The following DUSP8 variants were observed in gnomAD, a reference collection of about 807,000 sequenced individuals.
The protein encoded by DUSP8 is dual specificity protein phosphatase 8.
DUSP8 carries 15 observed loss-of-function variants against 38.7 expected under a neutral mutation model. That is an observed-to-expected ratio of 0.39 (90% CI 0.26 to 0.60). DUSP8 has a LOEUF of 0.60. Ranked by LOEUF, DUSP8 falls within the 20% of genes least tolerant of loss-of-function variation. DUSP8 has a pLI of 0.56. For missense variants in DUSP8, 768 were observed against 915.0 expected (o/e 0.84, Z 2.07); for synonymous variants, 458 against 433.9 (o/e 1.06, Z -0.69).
chr11:1,572,697 C>T (rs1221831649), upstream of DUSP8: 1 of 151,986 alleles, frequency 6.6e-6, no homozygotes, highest in Non-Finnish European at 1.5e-5. This position sits in a 1 kb window ranked among gnomAD's most constrained non-coding sequence, Gnocchi z 4.7. Flanking sequence ...CCCCCCTTCT[C>T]CTGGCCTTTG....
chr11:1,556,880 C>G lies in DUSP8; in HGVS notation c.1516G>C (p.Gly506Arg). ...GAGTCGAGCGGCGGTGCCCAGGCCC[C>G]GGGGCCGGCCGGCTGGCCAGGGCCG... ...LPGPGQPAGPGAWAPPLDSPG... is the reference protein window; with the variant it reads ...LPGPGQPAGPRAWAPPLDSPG... The change falls in exon 7 of 7, where the codon GGG (glycine) becomes CGG (arginine). Residue 506 changes from glycine to arginine, a missense_variant. Physicochemically the swap from Gly to Arg is moderately radical, Grantham distance 125. This residue lies in a region of DUSP8 where 474 missense variants were observed against 430.8 expected (regional missense o/e 1.10). Coordinates refer to ENST00000397374, the MANE Select transcript of DUSP8 (RefSeq NM_004420.3). The surrounding 1 kb of genome is among the most constrained non-coding windows in gnomAD (Gnocchi z 5.2). 9.1e-7 allele frequency: 1 copy of G among 1,103,552 alleles called. No homozygotes were observed. Among genetic ancestry groups the G allele is most frequent in the Non-Finnish European group, 1.1e-6 (1 of 906,564 alleles). 68.4% of individuals were successfully genotyped at this position (1,103,552 alleles called of 1,614,324 possible). A position where few individuals can be genotyped will look rare whatever the true frequency, so the allele number is the denominator to read the frequency against.
intron 2 of DUSP8, among the ~76,000 whole-genome samples, chr11:1,564,581 G>A (rs1159365127): frequency 1.3e-5 from 2 of 152,140 alleles, no homozygotes; most frequent in Non-Finnish European, 2.9e-5. Flanking sequence ...CCCACCCCAA[G>A]GGCCAGCCCA....
intron 1 of DUSP8, among the ~76,000 whole-genome samples, chr11:1,567,894 C>T (rs930620865): frequency 6.6e-6 from 1 of 152,086 alleles, no homozygotes; most frequent in Non-Finnish European, 1.5e-5. Flanking sequence ...CCAAGGGGGT[C>T]CCTGACTACC....
chr11:1,563,790 C>T lies in DUSP8; in HGVS notation c.370+61G>A, dbSNP rs1848757834. The T allele has an allele frequency of 3.5e-6, 5 of 1,424,696 alleles. No individual in the cohort carries two copies. In the South Asian group the frequency reaches 6.1e-5, roughly 17 times the overall value. The allele number at this position is 1,424,696 out of a possible 1,614,324, so 88.3% of individuals were successfully genotyped here. ...GGACACCTCCCTGATGCCCCAGCCC[C>T]AGCCCCAGCCCCACTGCTGGCGGAG... On this transcript the variant is annotated intron_variant, in intron 3 of 6. Transcript: ENST00000397374.
intron 3 of DUSP8, among the ~76,000 whole-genome samples, chr11:1,562,660 TGTACATGCACACAC>T (rs1848738680): frequency 6.6e-6 from 1 of 151,842 alleles, no homozygotes; most frequent in Non-Finnish European, 1.5e-5. Flanking sequence ...CATGCACACA[TGTACATGCACACAC>T]ATACATGCAT....
At chr11:1,563,699 C>T (rs1000568116) in intron 3 of DUSP8, 152 bp downstream of exon 3, 14 of 734,350 alleles carry the variant, frequency 1.9e-5, no homozygotes, top group Admixed American at 1.4e-4. Flanking sequence ...GAAGTGTGGG[C>T]GTCCTGGGGA....
Position 1,558,827 on chromosome 11 carries a change from C to A in DUSP8, c.537+62G>T. The A allele has an allele frequency of 1.3e-6, 2 of 1,535,468 alleles. No individual in the cohort carries two copies. Among genetic ancestry groups the A allele is most frequent in the Non-Finnish European group, 1.8e-6 (2 of 1,136,608 alleles). Reference sequence around the variant, plus strand: ...CCTCATCCCCCGCTCCGCTGCCAAGCTGCTTCTGGAGCTCCTGCCCCTTTC... The same window carrying A: ...CCTCATCCCCCGCTCCGCTGCCAAGATGCTTCTGGAGCTCCTGCCCCTTTC... On this transcript the variant is annotated intron_variant, in intron 4 of 6. Coordinates refer to ENST00000397374, the MANE Select transcript of DUSP8 (RefSeq NM_004420.3). The surrounding 1 kb of genome is among the most constrained non-coding windows in gnomAD (Gnocchi z 6.3).
At chr11:1,564,814 TG>T (rs1178631042) in intron 2 of DUSP8, among the ~76,000 whole-genome samples, 1 of 152,194 alleles carries the variant, frequency 6.6e-6, no homozygotes, top group Admixed American at 6.5e-5. Context: ...GGCGGACTCC[TG>T]GCCAGTGGCC....
At position 1,556,776 on chromosome 11, in the gene DUSP8, C is replaced by G. The variant is rs1452124449; in HGVS notation, c.1620G>C (p.Ala540=). ...GAQGAGGVLF[A]PFGRAGAPGP... ...CCGGGGCGCCCGCCCGGCCGAAGGG[C>G]GCAAACAGCACCCCGCCCGCCCCCT... Residue 540 remains alanine (A), a synonymous_variant, in exon 7 of 7, where the codon GCG becomes GCC. Coordinates refer to ENST00000397374, the MANE Select transcript of DUSP8 (RefSeq NM_004420.3). The surrounding 1 kb of genome is among the most constrained non-coding windows in gnomAD (Gnocchi z 5.2). 8.4e-7 allele frequency: 1 copy of G among 1,190,152 alleles called. No individual in the cohort carries two copies. Among genetic ancestry groups the G allele is most frequent in the Non-Finnish European group, 1.0e-6 (1 of 961,492 alleles). 73.7% of individuals were successfully genotyped at this position (1,190,152 alleles called of 1,614,324 possible).
Position 1,557,437 on chromosome 11 carries a change from G to T in DUSP8, c.959C>A (p.Pro320Gln). The T allele has an allele frequency of 6.4e-7, 1 of 1,563,316 alleles. No homozygotes were observed. The highest frequency in any genetic ancestry group is 8.6e-7 in the Non-Finnish European group (1 of 1,166,436). Reference protein sequence around the residue: ...PGTPSGTPEPPPSPAAGAPLP... With the variant: ...PGTPSGTPEPQPSPAAGAPLP... The stretch of plus-strand genomic sequence containing the variant: ...CGGGGCCCCGGCGGCAGGACTGGGC[G>T]GAGGCTCCGGCGTCCCTGAGGGGGT... Residue 320 changes from proline to glutamine, a missense_variant, in exon 7 of 7, where the codon CCG becomes CAG. Pro to Gln is a moderately conservative substitution (Grantham distance 76, BLOSUM62 -1). Transcript: ENST00000397374. This position sits in a 1 kb window ranked among gnomAD's most constrained non-coding sequence, Gnocchi z 9.9.
intron 1 of DUSP8, among the ~76,000 whole-genome samples, chr11:1,569,648 G>A (rs1056387938): frequency 6.6e-6 from 1 of 152,070 alleles, no homozygotes; most frequent in Non-Finnish European, 1.5e-5. Flanking sequence ...TCCTGTCCCT[G>A]AGCACAGACG....
intron 1 of DUSP8, among the ~76,000 whole-genome samples, chr11:1,570,197 C>G (rs1434476536): frequency 6.6e-6 from 1 of 152,180 alleles, no homozygotes; most frequent in East Asian, 1.9e-4. Context: ...GTCTCAGAGC[C>G]GGACATATCC....
rs1377604597 is a variant in DUSP8, at chr11:1,557,159, G to A, written c.1237C>T (p.Pro413Ser). 1 of 1,441,850 alleles carries A rather than the reference G, an allele frequency of 6.9e-7. No homozygotes were observed. The highest frequency in any genetic ancestry group is 9.0e-7 in the Non-Finnish European group (1 of 1,105,320). The allele number at this position is 1,441,850 out of a possible 1,614,324, so 89.3% of individuals were successfully genotyped here. A position where few individuals can be genotyped will look rare whatever the true frequency, so the allele number is the denominator to read the frequency against. The change falls in exon 7 of 7, where the codon CCC becomes TCC. Residue 413 changes from proline (P) to serine (S), a missense_variant. This residue lies in a region of DUSP8 where 474 missense variants were observed against 430.8 expected (regional missense o/e 1.10). Transcript: ENST00000397374. The surrounding 1 kb of genome is among the most constrained non-coding windows in gnomAD (Gnocchi z 9.9). ...APSRRPDGPGPPDPGEAPKLC... is the reference protein window; with the variant it reads ...APSRRPDGPGSPDPGEAPKLC... The stretch of plus-strand genomic sequence containing the variant: ...TTCGGGGCCTCGCCGGGGTCGGGGG[G>A]CCCGGGGCCGTCGGGCCGCCTGCTA...
intron 3 of DUSP8, among the ~76,000 whole-genome samples, chr11:1,559,989 C>T (rs934421997): frequency 5.3e-5 from 8 of 152,196 alleles, no homozygotes; most frequent in Non-Finnish European, 1.2e-4. Flanking sequence ...ATAATGAGCA[C>T]GAAGACACAT....
At chr11:1,570,547 C>T (rs1269960848) in intron 1 of DUSP8, among the ~76,000 whole-genome samples, 1 of 152,186 alleles carries the variant, frequency 6.6e-6, no homozygotes, top group African/African-American at 2.4e-5. Context: ...CTCTAAGCGT[C>T]TTTCTGCACC....
chr11:1,568,242 G>T (rs1848835132), intron 1 of DUSP8, among the ~76,000 whole-genome samples: 3 of 152,148 alleles, frequency 2.0e-5, no homozygotes, highest in African/African-American at 7.2e-5. Context: ...CCTCTCTGCA[G>T]CCAGGGCCTA....
rs1848599786 is a variant in DUSP8 at position 1,554,988 on chromosome 11, C to T, written c.*1530G>A. 1.0e-6 allele frequency: 1 copy of T among 986,326 alleles called. No individual in the cohort carries two copies. Among genetic ancestry groups the T allele is most frequent in the Non-Finnish European group, 1.2e-6 (1 of 830,270 alleles). 61.1% of individuals were successfully genotyped at this position (986,326 alleles called of 1,614,324 possible). On this transcript the variant is annotated 3_prime_UTR_variant, in exon 7 of 7. Coordinates refer to ENST00000397374, the MANE Select transcript of DUSP8 (RefSeq NM_004420.3). ...AAAGAAGAACAAATAGAAGAAACAG[C>T]AGAGAGGGCGGCTGGCTGGGGCGGG...
intron 3 of DUSP8, among the ~76,000 whole-genome samples, chr11:1,561,960 G>C (rs766390374): frequency 3.3e-5 from 5 of 152,238 alleles, no homozygotes; most frequent in Non-Finnish European, 2.9e-5. Context: ...TGTATACCAC[G>C]GGGCCTGGGA....
chr11:1,564,273 G>A (rs1240211156), intron 2 of DUSP8, among the ~76,000 whole-genome samples: 1 of 152,234 alleles, frequency 6.6e-6, no homozygotes, highest in Non-Finnish European at 1.5e-5. Context: ...CATGGGTGAA[G>A]GGGACGGACG....
Sources: gnomAD v4.1 joint callset for allele counts (sites outside exome capture counted in the v4.1 genomes callset) on GRCh38, gnomAD v4.1.1 for gene constraint, gnomAD v4.1.1 regional missense constraint, Gnocchi (gnomAD v3.1) non-coding constraint, MANE v1.5 for transcripts, NCBI Gene and HGNC (gene_info 2026-07-23, HGNC 2026-07-21) for gene names.